The following MYO5A variants were observed in gnomAD, a reference collection of about 807,000 sequenced individuals.
The protein encoded by MYO5A is myosin VA.
In MYO5A, 98 loss-of-function variants were observed where a neutral mutation model predicts 249.7. The observed-to-expected ratio is 0.39, with a 90% CI of 0.33 to 0.46. The LOEUF is 0.46. Ranked by LOEUF, MYO5A falls within the 20% of genes least tolerant of loss-of-function variation. The pLI, the probability that MYO5A is intolerant of heterozygous loss-of-function variation, is 0.98. For missense variants in MYO5A, 1,696 were observed against 2,308.8 expected (o/e 0.73, Z 5.44); for synonymous variants, 778 against 810.6 (o/e 0.96, Z 0.68).
At chr15:52,459,256 C>G (rs973556172) in intron 1 of MYO5A, among the ~76,000 whole-genome samples, 15 of 145,240 alleles carry the variant, frequency 1.0e-4, no homozygotes, top group Non-Finnish European at 1.8e-4. Context: ...GGAAGGTCAG[C>G]AGATAAACAT....
intron 3 of MYO5A, among the ~76,000 whole-genome samples, chr15:52,426,737 G>C (rs141524785): frequency 6.6e-6 from 1 of 152,216 alleles, no homozygotes; most frequent in Non-Finnish European, 1.5e-5. Flanking sequence ...TGGGATTACA[G>C]GGTAAGCCAC....
chr15:52,390,484 AAAG>A (rs745962744), intron 12 of MYO5A, among the ~76,000 whole-genome samples: 11 of 152,100 alleles, frequency 7.2e-5, no homozygotes, highest in Non-Finnish European at 1.3e-4. Context: ...TATAATTCAG[AAAG>A]ATATAAAATG....
chr15:52,527,127 C>A (rs1030676155), intron 1 of MYO5A, among the ~76,000 whole-genome samples: 3 of 152,138 alleles, frequency 2.0e-5, no homozygotes, highest in Non-Finnish European at 4.4e-5. Context: ...CCATGGGCTG[C>A]GGGTTGGACA....
chr15:52,496,070 T>A (rs897470609), intron 1 of MYO5A, among the ~76,000 whole-genome samples: 2 of 135,724 alleles, frequency 1.5e-5, no homozygotes, highest in South Asian at 5.2e-4. Context: ...ACTTAAAGTA[T>A]AATTTTTAAA....
intron 5 of MYO5A, among the ~76,000 whole-genome samples, chr15:52,413,533 T>C (rs1291615074): frequency 6.6e-6 from 1 of 152,188 alleles, no homozygotes; most frequent in African/African-American, 2.4e-5. Flanking sequence ...CTCATTATCC[T>C]ATGAGGAGTT....
chr15:52,502,139 C>T (rs1239779157), intron 1 of MYO5A, among the ~76,000 whole-genome samples: 3 of 151,978 alleles, frequency 2.0e-5, no homozygotes, highest in Non-Finnish European at 2.9e-5. Flanking sequence ...AAAAATTATC[C>T]GGGCATGGCG....
At chr15:52,501,885 AC>A (rs1254384730) in intron 1 of MYO5A, among the ~76,000 whole-genome samples, 12 of 139,048 alleles carry the variant, frequency 8.6e-5, no homozygotes, top group African/African-American at 3.8e-4. Context: ...CTACACACAC[AC>A]ACACACACAC....
intron 1 of MYO5A, among the ~76,000 whole-genome samples, chr15:52,490,999 G>T (rs1300964942): frequency 1.3e-5 from 2 of 152,104 alleles, no homozygotes; most frequent in Non-Finnish European, 2.9e-5. Flanking sequence ...GGGATTATAG[G>T]TGTGAGCACC....
At chr15:52,365,329 C>A (rs929158580) in intron 23 of MYO5A, among the ~76,000 whole-genome samples, 3 of 152,200 alleles carry the variant, frequency 2.0e-5, no homozygotes, top group Non-Finnish European at 4.4e-5. Context: ...GCTGAGGAAA[C>A]CTTGCCTTCT....
intron 3 of MYO5A, among the ~76,000 whole-genome samples, chr15:52,428,012 G>A (rs2075435500): frequency 6.6e-6 from 1 of 152,170 alleles, no homozygotes; most frequent in Non-Finnish European, 1.5e-5. Context: ...CTGCATGGCT[G>A]AGTAATTGAC....
At chr15:52,473,478 G>A (rs895555245) in intron 1 of MYO5A, among the ~76,000 whole-genome samples, 2 of 152,194 alleles carry the variant, frequency 1.3e-5, no homozygotes, top group African/African-American at 4.8e-5. Context: ...CCATGCCTAT[G>A]TCCTGAATGG....
At chr15:52,425,640 A>G (rs1182036669) in intron 4 of MYO5A, among the ~76,000 whole-genome samples, 190 bp downstream of exon 4, 1 of 152,202 alleles carries the variant, frequency 6.6e-6, no homozygotes. Flanking sequence ...GAATACAGAC[A>G]TGAGCCACTG....
chr15:52,347,049 T>C (rs2039672648), intron 29 of MYO5A, among the ~76,000 whole-genome samples: 1 of 152,026 alleles, frequency 6.6e-6, no homozygotes, highest in Non-Finnish European at 1.5e-5. Flanking sequence ...TAACATAACA[T>C]AGTACTTAAG....
chr15:52,427,948 G>C (rs867763151), intron 3 of MYO5A, among the ~76,000 whole-genome samples: 1 of 152,158 alleles, frequency 6.6e-6, no homozygotes, highest in African/African-American at 2.4e-5. Context: ...GCAATGAGCA[G>C]GGGCCCAGGC....
At chr15:52,411,585 T>G (rs370319779) in intron 5 of MYO5A, among the ~76,000 whole-genome samples, 3 of 151,416 alleles carry the variant, frequency 2.0e-5, no homozygotes, top group African/African-American at 7.3e-5. Flanking sequence ...ACATAATGCA[T>G]ATATTAAATG....
At chr15:52,339,354 T>C (rs1262815687) in intron 32 of MYO5A, among the ~76,000 whole-genome samples, 2 of 152,116 alleles carry the variant, frequency 1.3e-5, no homozygotes, top group African/African-American at 4.8e-5. Context: ...TCCTAAACAA[T>C]TTTTCTCAAA....
At position 52,433,164 on chromosome 15, in the gene MYO5A, T is replaced by G; in HGVS notation, c.138+11A>C. On this transcript the variant is annotated intron_variant, in intron 2 of 41. Transcript: ENST00000399233. ...TTATGCCAATGACAACAAATGAAAG[T>G]GAGATCTCACCTTTCCTTCCTCGAG... 1.3e-6 allele frequency: 2 copies of G among 1,561,700 alleles called. No homozygotes were observed. Among genetic ancestry groups the G allele is most frequent in the Non-Finnish European group, 1.8e-6 (2 of 1,132,462 alleles).
chr15:52,360,181 G>T, intron 24 of MYO5A, 100 bp from the exon 25 acceptor site: 1 of 785,076 alleles, frequency 1.3e-6, no homozygotes, highest in Non-Finnish European at 2.2e-6. Context: ...CCTACTTCCT[G>T]ACTTGTATTG....
In MYO5A at chr15:52,307,546, T is replaced by C. The variant is rs556570546; in HGVS notation, c.*6150A>G. On this transcript the variant is annotated 3_prime_UTR_variant, in exon 42 of 42. Coordinates refer to ENST00000399233, the MANE Select transcript of MYO5A (RefSeq NM_001382347.1). ...ATATGCTAGAATGGGTTCTAGAGTC[T>C]AGAGTTAGTTGATAATGCCTTTCAT... is the stretch of plus-strand genomic sequence containing the variant. 46 of 152,296 alleles carry C rather than the reference T, an allele frequency of 3.0e-4. No individual in the cohort carries two copies. Among genetic ancestry groups the C allele is most frequent in the African/African-American group, 1.1e-3 (46 of 41,572 alleles). 9.4% of individuals were successfully genotyped at this position (152,296 alleles called of 1,614,324 possible). A position where few individuals can be genotyped will look rare whatever the true frequency, so the allele number is the denominator to read the frequency against.
Sources: gnomAD v4.1 joint callset for allele counts (sites outside exome capture counted in the v4.1 genomes callset) on GRCh38, gnomAD v4.1.1 for gene constraint, MANE v1.5 for transcripts, NCBI Gene and HGNC (gene_info 2026-07-23, HGNC 2026-07-21) for gene names.